MAN1A2: variants seen among roughly 807,000 people sequenced by gnomAD.
MAN1A2 encodes mannosyl-oligosaccharide 1,2-alpha-mannosidase IB.
MAN1A2 carries 26 observed loss-of-function variants against 75.7 expected under a neutral mutation model. The ratio of observed to expected loss-of-function variants is 0.34; its 90% CI spans 0.25 to 0.48. The LOEUF is 0.48. Among genes scored for constraint, MAN1A2 ranks in the 20% least tolerant of loss-of-function variants. The pLI is 0.99. For synonymous variants in MAN1A2, 247 were observed against 264.6 expected (o/e 0.93, Z 0.65); for missense variants, 562 against 775.5 (o/e 0.72, Z 3.27).
chr1:117,438,787 T>C (rs1648932558), intron 5 of MAN1A2, among the ~76,000 whole-genome samples: 1 of 152,220 alleles, frequency 6.6e-6, no homozygotes, highest in African/African-American at 2.4e-5. Flanking sequence ...CCATATAACC[T>C]AGATGTGTGG....
At chr1:117,406,898 T>G (rs1240229547) in intron 3 of MAN1A2, among the ~76,000 whole-genome samples, 1 of 152,112 alleles carries the variant, frequency 6.6e-6, no homozygotes, top group Non-Finnish European at 1.5e-5. Context: ...AGTATAAAAA[T>G]GTATTGAAAA....
intron 1 of MAN1A2, among the ~76,000 whole-genome samples, chr1:117,397,749 T>G (rs1455558229): frequency 1.3e-5 from 2 of 149,856 alleles, no homozygotes; most frequent in Non-Finnish European, 3.0e-5. Flanking sequence ...CCTCCCAGGT[T>G]CAAGCAATTC....
chr1:117,509,357 A>T (rs1651463938), intron 12 of MAN1A2, among the ~76,000 whole-genome samples: 1 of 151,904 alleles, frequency 6.6e-6, no homozygotes, highest in Non-Finnish European at 1.5e-5. Flanking sequence ...ACTGCTTAAG[A>T]TTTAAAAGTT....
At chr1:117,421,853 T>A (rs1648211450) in intron 5 of MAN1A2, among the ~76,000 whole-genome samples, 1 of 152,084 alleles carries the variant, frequency 6.6e-6, no homozygotes, top group African/African-American at 2.4e-5. Context: ...TAGAATCACA[T>A]AAGGTGTTTT....
intron 1 of MAN1A2, among the ~76,000 whole-genome samples, chr1:117,371,284 A>G (rs969257384): frequency 6.6e-6 from 1 of 152,228 alleles, no homozygotes; most frequent in Non-Finnish European, 1.5e-5. Flanking sequence ...TTTTATAACC[A>G]AACTGGTTGG....
intron 7 of MAN1A2, among the ~76,000 whole-genome samples, chr1:117,464,840 C>T (rs531144135): frequency 7.9e-5 from 12 of 152,192 alleles, no homozygotes; most frequent in African/African-American, 2.9e-4. Context: ...GGACTCTTAC[C>T]TGGTGTTTTA....
At chr1:117,488,410 G>A (rs1258665528) in intron 8 of MAN1A2, among the ~76,000 whole-genome samples, 1 of 151,938 alleles carries the variant, frequency 6.6e-6, no homozygotes. Context: ...TGGCCAGGCT[G>A]GTATGGAACT....
At chr1:117,448,909 C>T (rs1428231498) in intron 6 of MAN1A2, among the ~76,000 whole-genome samples, 1 of 152,072 alleles carries the variant, frequency 6.6e-6, no homozygotes, top group Non-Finnish European at 1.5e-5. Context: ...TGTGTCAACT[C>T]TGTGTTGAGC....
intron 1 of MAN1A2, among the ~76,000 whole-genome samples, chr1:117,394,289 A>C (rs1012919412): frequency 6.6e-6 from 1 of 151,978 alleles, no homozygotes; most frequent in Non-Finnish European, 1.5e-5. Context: ...TCACCGTATT[A>C]GCCAGGATGG....
Position 117,408,563 on chromosome 1 carries a change from T to G in MAN1A2, c.655+2918T>G, listed in dbSNP as rs116357776. 4.5e-3 allele frequency among the ~76,000 whole-genome samples: 681 copies of G among 152,180 alleles called. 6 individuals are homozygous for G. Among genetic ancestry groups the G allele is most frequent in the African/African-American group, 0.016 (649 of 41,530 alleles). On this transcript the variant is annotated intron_variant, in intron 3 of 12. Transcript: ENST00000356554. The stretch of plus-strand genomic sequence containing the variant: ...TGATTTGTACATGTTTTGTTGAAGA[T>G]TGTTGCTTCTATATTAATAAGAGAT...
chr1:117,388,702 G>A (rs1452007506), intron 1 of MAN1A2, among the ~76,000 whole-genome samples: 2 of 151,924 alleles, frequency 1.3e-5, no homozygotes, highest in Non-Finnish European at 2.9e-5. Context: ...CCAACACTGG[G>A]GATTACAATT....
At position 117,420,624 on chromosome 1, in the gene MAN1A2, CA is replaced by C; in HGVS notation, c.831del (p.Ala278HisfsTer36). On this transcript the variant is annotated frameshift_variant, in exon 5 of 13. Coordinates refer to ENST00000356554, the MANE Select transcript of MAN1A2 (RefSeq NM_006699.5). LOFTEE classifies it high-confidence loss of function. ...ATTCGATTTATTGGAGGCCTACTTG[CA>C]GCATATTACCTATCAGGAGAGGAGG... ...VNIRFIGGLL[A>X]AYYLSGEEIF... The C allele has an allele frequency of 6.2e-7, 1 of 1,612,726 alleles. No homozygotes were observed. Among genetic ancestry groups the C allele is most frequent in the Non-Finnish European group, 8.5e-7 (1 of 1,179,002 alleles).
chr1:117,493,514 C>T (rs562332923), intron 9 of MAN1A2: 2 of 285,026 alleles, frequency 7.0e-6, no homozygotes, highest in Non-Finnish European at 1.3e-5. Context: ...GGTGCAGTGG[C>T]TCACGCCTGT....
At chr1:117,455,640 T>A (rs1213662783) in intron 6 of MAN1A2, among the ~76,000 whole-genome samples, 1 of 152,032 alleles carries the variant, frequency 6.6e-6, no homozygotes, top group Non-Finnish European at 1.5e-5. Context: ...AAATACAGAA[T>A]TAAAATTAGA....
intron 1 of MAN1A2, among the ~76,000 whole-genome samples, chr1:117,392,689 C>G (rs1653763909): frequency 6.6e-6 from 1 of 151,904 alleles, no homozygotes; most frequent in African/African-American, 2.4e-5. Context: ...AAACTGAAAT[C>G]CTTTGAAAAC....
rs1026400984 is a variant in MAN1A2 at position 117,528,780 on chromosome 1, G to T, written c.*5823G>T. On this transcript the variant is annotated 3_prime_UTR_variant, in exon 13 of 13. Transcript: ENST00000356554. ...GGTACCCACTGGCTGCTCCTAAACTGGTTTCCAGTCATGTCCTCCAGTATG... is the reference window on the plus strand; with the variant it reads ...GGTACCCACTGGCTGCTCCTAAACTTGTTTCCAGTCATGTCCTCCAGTATG... The T allele has an allele frequency of 2.6e-5, 4 of 151,896 alleles. No homozygotes were observed. The highest frequency in any genetic ancestry group is 5.9e-5 in the Non-Finnish European group (4 of 67,958). The allele number at this position is 151,896 out of a possible 1,614,324, so 9.4% of individuals were successfully genotyped here.
chr1:117,453,339 T>C (rs1227345159), intron 6 of MAN1A2, among the ~76,000 whole-genome samples: 1 of 152,160 alleles, frequency 6.6e-6, no homozygotes, highest in Non-Finnish European at 1.5e-5. Flanking sequence ...GCAAAGTAAA[T>C]GGAAAATCTT....
intron 4 of MAN1A2, among the ~76,000 whole-genome samples, chr1:117,418,641 T>C (rs1648091238): frequency 6.6e-6 from 1 of 152,148 alleles, no homozygotes; most frequent in African/African-American, 2.4e-5. Flanking sequence ...GTGTGGGTTA[T>C]TCTTTAAAGG....
chr1:117,496,743 A>T lies in MAN1A2; in HGVS notation c.1285-20A>T, dbSNP rs1470397115. ...TAATAGTTTGCATCTAAAATTTTGA[A>T]TATCTTTTCTTTCCTGTAGGCTATA... On this transcript the variant is annotated intron_variant, in intron 9 of 12. Coordinates refer to ENST00000356554, the MANE Select transcript of MAN1A2 (RefSeq NM_006699.5). 1.9e-6 allele frequency: 3 copies of T among 1,563,410 alleles called. No individual in the cohort carries two copies. Among genetic ancestry groups the T allele is most frequent in the Non-Finnish European group, 2.6e-6 (3 of 1,138,470 alleles).
Sources: allele counts gnomAD v4.1 joint callset (sites outside exome capture counted in the v4.1 genomes callset), GRCh38; gene constraint gnomAD v4.1.1; transcripts MANE v1.5; gene names NCBI Gene and HGNC (gene_info 2026-07-23, HGNC 2026-07-21).